The following NPAS3 variants were observed in gnomAD, a reference collection of about 807,000 sequenced individuals.
The protein encoded by NPAS3 is neuronal PAS domain-containing protein 3.
In NPAS3, 14 loss-of-function variants were observed where a neutral mutation model predicts 73.1. The observed-to-expected ratio is 0.19, with a 90% CI of 0.13 to 0.30. NPAS3 has a LOEUF of 0.30. Among genes scored for constraint, NPAS3 ranks in the 10% least tolerant of loss-of-function variants. NPAS3 has a pLI of 1.00. For missense variants in NPAS3, 1,096 were observed against 1,250.0 expected (o/e 0.88, Z 1.86); for synonymous variants, 620 against 541.5 (o/e 1.14, Z -2.01).
intron 4 of NPAS3, among the ~76,000 whole-genome samples, chr14:33,444,855 G>A (rs578119995): frequency 1.1e-4 from 17 of 152,226 alleles, no homozygotes; most frequent in Non-Finnish European, 2.4e-4. Flanking sequence ...GCTTTTGCCC[G>A]AATGTTACTC....
At chr14:33,302,018 C>T (rs1393966777) in intron 3 of NPAS3, among the ~76,000 whole-genome samples, 1 of 152,144 alleles carries the variant, frequency 6.6e-6, no homozygotes, top group Non-Finnish European at 1.5e-5. Context: ...GCCTTCCCCT[C>T]CGGAGGGGTG....
rs1311420149 is a variant in NPAS3, at chr14:33,612,711, G to A, written c.558+52501G>A. 1.7e-5 allele frequency: 6 copies of A among 346,454 alleles called. No individual in the cohort carries two copies. The East Asian group carries it at 3.7e-4, about 21-fold the overall frequency. The allele number at this position is 346,454 out of a possible 1,614,324, so 21.5% of individuals were successfully genotyped here. Reference sequence around the variant, plus strand: ...TACATTTGTGAAAAAGCATCTCAAAGTTAGAACATATATCTCCTAAGACTA... The same window carrying A: ...TACATTTGTGAAAAAGCATCTCAAAATTAGAACATATATCTCCTAAGACTA... On this transcript the variant is annotated intron_variant, in intron 5 of 11. Coordinates refer to ENST00000356141, the Ensembl canonical transcript of NPAS3.
chr14:33,202,329 G>A lies in NPAS3; in HGVS notation c.141-12853G>A, dbSNP rs181262781. Among the ~76,000 whole-genome samples the A allele has an allele frequency of 7.8e-4, 119 of 152,174 alleles. 1 individual carries two copies. The highest frequency in any genetic ancestry group is 5.5e-3 in the Admixed American group (84 of 15,290). On this transcript the variant is annotated intron_variant, in intron 2 of 11. Transcript: ENST00000356141. ...GAGGTGGGAGAATTGCTTGAATCTG[G>A]GAGGTGGAGGTTGTAGTGAGCCAAG...
intron 7 of NPAS3, among the ~76,000 whole-genome samples, chr14:33,749,589 T>C (rs1241073487): frequency 6.6e-6 from 1 of 152,322 alleles, no homozygotes; most frequent in East Asian, 1.9e-4. Context: ...TATACTGAAA[T>C]GATATAGAGA....
chr14:33,054,027 T>C (rs930738927), intron 1 of NPAS3, among the ~76,000 whole-genome samples: 1 of 152,208 alleles, frequency 6.6e-6, no homozygotes, highest in Non-Finnish European at 1.5e-5. Context: ...AAACCAATTC[T>C]TTTAAAAAAT....
rs552495143 is a variant in NPAS3 at position 33,650,893 on chromosome 14, G to C, written c.559-25318G>C. Among the ~76,000 whole-genome samples, 3 of 152,298 alleles carry C rather than the reference G, an allele frequency of 2.0e-5. No homozygotes were observed. In the East Asian group the frequency reaches 5.8e-4, roughly 29 times the overall value. On this transcript the variant is annotated intron_variant, in intron 5 of 11. Transcript: ENST00000356141. ...CAGGAGCAGGACCCAGGCCAGAACC[G>C]ACAGACTTGAAGCAGTTCTGATGCC...
At chr14:33,331,964 C>T (rs1318217469) in intron 3 of NPAS3, among the ~76,000 whole-genome samples, 1 of 152,166 alleles carries the variant, frequency 6.6e-6, no homozygotes, top group Non-Finnish European at 1.5e-5. Flanking sequence ...CGTAATGATA[C>T]CTTTAGAAAC....
At chr14:33,751,635 C>A (rs1377193747) in intron 7 of NPAS3, among the ~76,000 whole-genome samples, 1 of 152,136 alleles carries the variant, frequency 6.6e-6, no homozygotes, top group Non-Finnish European at 1.5e-5. Flanking sequence ...ATTTCAGGCG[C>A]CCACAGTTTC....
intron 2 of NPAS3, among the ~76,000 whole-genome samples, chr14:33,195,995 G>A (rs2046337383): frequency 6.6e-6 from 1 of 152,168 alleles, no homozygotes; most frequent in African/African-American, 2.4e-5. Context: ...ATCTTCAAAT[G>A]GAAAGATGTC....
chr14:32,948,253 A>C (rs2036343454), intron 1 of NPAS3, among the ~76,000 whole-genome samples: 1 of 152,146 alleles, frequency 6.6e-6, no homozygotes, highest in Non-Finnish European at 1.5e-5. Flanking sequence ...TAAAAAATTT[A>C]TATTTTGGGG....
intron 4 of NPAS3, among the ~76,000 whole-genome samples, chr14:33,380,377 C>T (rs2046494271): frequency 6.6e-6 from 1 of 152,042 alleles, no homozygotes; most frequent in African/African-American, 2.4e-5. Context: ...GTATAGGACT[C>T]GCTACTATCT....
intron 2 of NPAS3, among the ~76,000 whole-genome samples, chr14:33,129,884 G>T (rs1022743406): frequency 1.3e-5 from 2 of 152,068 alleles, no homozygotes; most frequent in Non-Finnish European, 2.9e-5. Context: ...ATTTGACTGG[G>T]TGTTTTTAAC....
intron 3 of NPAS3, among the ~76,000 whole-genome samples, chr14:33,325,134 T>A (rs1476576781): frequency 8.7e-6 from 1 of 115,488 alleles, no homozygotes; most frequent in African/African-American, 3.2e-5. Flanking sequence ...CAGATCAGCT[T>A]GGGAGGGTTT....
At position 33,331,895 on chromosome 14, in the gene NPAS3, G is replaced by T. The variant is rs748351041; in HGVS notation, c.386-35291G>T. Reference sequence around the variant, plus strand: ...TCTGTCCATATGTGTGCTCTTGGAAGTGTGTTTATATCGGATTCCCTGACC... The same window carrying T: ...TCTGTCCATATGTGTGCTCTTGGAATTGTGTTTATATCGGATTCCCTGACC... On this transcript the variant is annotated intron_variant, in intron 3 of 11. Coordinates refer to ENST00000356141, the Ensembl canonical transcript of NPAS3. Among the ~76,000 whole-genome samples, 24 of 152,344 alleles carry T rather than the reference G, an allele frequency of 1.6e-4. 1 individual carries two copies. Among genetic ancestry groups the T allele is most frequent in the Non-Finnish European group, 1.5e-4 (10 of 68,038 alleles).
At chr14:33,758,010 T>C (rs946869585) in intron 7 of NPAS3, among the ~76,000 whole-genome samples, 2 of 152,218 alleles carry the variant, frequency 1.3e-5, no homozygotes, top group Non-Finnish European at 2.9e-5. Context: ...TAATTAAACA[T>C]TGAATGAATG....
intron 4 of NPAS3, among the ~76,000 whole-genome samples, chr14:33,378,072 A>G (rs1271314677): frequency 6.6e-6 from 1 of 152,196 alleles, no homozygotes; most frequent in African/African-American, 2.4e-5. Context: ...ACTTGGTTAT[A>G]TGGACTTGGC....
chr14:33,027,998 T>C (rs1461273098), intron 1 of NPAS3, among the ~76,000 whole-genome samples: 1 of 152,198 alleles, frequency 6.6e-6, no homozygotes, highest in Non-Finnish European at 1.5e-5. Flanking sequence ...TTCAAACTCA[T>C]ATAACCTGGG....
At chr14:33,786,864 C>T (rs2063189585) in intron 9 of NPAS3, among the ~76,000 whole-genome samples, 1 of 152,114 alleles carries the variant, frequency 6.6e-6, no homozygotes, top group Non-Finnish European at 1.5e-5. Context: ...CTGATGGAGA[C>T]TAACGTAGGA....
chr14:33,498,607 C>T (rs533873770), intron 4 of NPAS3, among the ~76,000 whole-genome samples: 61 of 152,036 alleles, frequency 4.0e-4, no homozygotes, highest in Non-Finnish European at 1.9e-4. Flanking sequence ...AACCAAACAC[C>T]GCATGTTCTC....
Sources: gnomAD v4.1 joint callset for allele counts (sites outside exome capture counted in the v4.1 genomes callset) on GRCh38, gnomAD v4.1.1 for gene constraint, MANE v1.5 for transcripts, NCBI Gene and HGNC (gene_info 2026-07-23, HGNC 2026-07-21) for gene names.